The following SLC8A1 variants were observed in gnomAD, a reference collection of about 807,000 sequenced individuals.
The protein encoded by SLC8A1 is solute carrier family 8 member A1.
Under a neutral mutation model 68.3 loss-of-function variants are expected in SLC8A1, and 18 were observed. The ratio of observed to expected loss-of-function variants is 0.26; its 90% confidence interval spans 0.18 to 0.39. The LOEUF is 0.39. Ranked by LOEUF, SLC8A1 falls within the 10% of genes least tolerant of loss-of-function variation. The pLI, the probability that SLC8A1 is intolerant of heterozygous loss-of-function variation, is 1.00. For missense variants in SLC8A1, 985 were observed against 1,156.7 expected, an observed-to-expected ratio of 0.85 and a Z score of 2.15; for synonymous variants, 475 against 415.5, an observed-to-expected ratio of 1.14 and a Z score of -1.74.
At chr2:40,404,934 T>C (rs1689859223) in intron 2 of SLC8A1, among the ~76,000 whole-genome samples, 1 of 152,180 alleles carries the variant, frequency 6.6e-6, no homozygotes, top group South Asian at 2.1e-4. Context: ...TGAAAGCTTG[T>C]GGGTAATAGC....
intron 2 of SLC8A1, among the ~76,000 whole-genome samples, chr2:40,407,398 G>A (rs907608278): frequency 3.3e-5 from 5 of 152,146 alleles, no homozygotes; most frequent in African/African-American, 1.2e-4. Flanking sequence ...TTCCTTGTCT[G>A]TAAAAATGAG....
exon 8 of SLC8A1, chr2:40,109,949 C>G (rs1042375603): frequency 7.2e-5 from 11 of 152,168 alleles, no homozygotes; most frequent in Non-Finnish European, 1.3e-4. Flanking sequence ...CAGTAATGCT[C>G]TTTCCTAAAA....
intron 2 of SLC8A1, among the ~76,000 whole-genome samples, chr2:40,367,753 A>G (rs1676730955): frequency 6.6e-6 from 1 of 152,000 alleles, no homozygotes; most frequent in East Asian, 1.9e-4. Context: ...AGACAATAAT[A>G]TCTCAGGATC....
chr2:40,347,059 C>A (rs373595395), intron 2 of SLC8A1, among the ~76,000 whole-genome samples: 1 of 152,158 alleles, frequency 6.6e-6, no homozygotes. Flanking sequence ...AGCACCAAGG[C>A]AATAGATAGC....
intron 1 of SLC8A1, among the ~76,000 whole-genome samples, chr2:40,482,505 G>C (rs1358555013): frequency 6.6e-6 from 1 of 152,156 alleles, no homozygotes; most frequent in Non-Finnish European, 1.5e-5. Flanking sequence ...TGAAGCATAA[G>C]CTTCATATTA....
intron 2 of SLC8A1, among the ~76,000 whole-genome samples, 166 bp from the exon 3 acceptor site, chr2:40,178,659 T>C (rs1024305170): frequency 6.6e-6 from 1 of 152,178 alleles, no homozygotes; most frequent in Non-Finnish European, 1.5e-5. Flanking sequence ...CAGATAGGTA[T>C]GAAAGATCAG....
chr2:40,181,958 GCAT>G (rs925352328), intron 2 of SLC8A1, among the ~76,000 whole-genome samples: 3 of 152,150 alleles, frequency 2.0e-5, no homozygotes, highest in African/African-American at 7.2e-5. Context: ...ATCAGCAGAA[GCAT>G]GTTCCTCACA....
chr2:40,450,218 G>A (rs1168200522), intron 1 of SLC8A1, among the ~76,000 whole-genome samples: 1 of 152,102 alleles, frequency 6.6e-6, no homozygotes, highest in Non-Finnish European at 1.5e-5. Context: ...ATTTGAAAGA[G>A]GAACCTAAAA....
intron 2 of SLC8A1, among the ~76,000 whole-genome samples, chr2:40,333,102 G>A (rs536368845): frequency 6.8e-4 from 103 of 151,800 alleles, no homozygotes; most frequent in Non-Finnish European, 1.1e-3. Context: ...GGTAAATTAC[G>A]AAAAAAAATC....
intron 1 of SLC8A1, among the ~76,000 whole-genome samples, chr2:40,443,862 C>G (rs909567707): frequency 1.3e-5 from 2 of 152,200 alleles, no homozygotes; most frequent in Non-Finnish European, 2.9e-5. Flanking sequence ...TAACACCTGT[C>G]CATCTGTGCA....
intron 2 of SLC8A1, among the ~76,000 whole-genome samples, chr2:40,254,186 AAAAAG>A (rs2063486864): frequency 1.3e-5 from 2 of 152,182 alleles, no homozygotes; most frequent in African/African-American, 4.8e-5. Flanking sequence ...ATTAATATAA[AAAAAG>A]AAAATAAAAG....
intron 2 of SLC8A1, among the ~76,000 whole-genome samples, chr2:40,269,204 G>T (rs911815061): frequency 2.0e-5 from 3 of 152,100 alleles, no homozygotes; most frequent in African/African-American, 7.2e-5. Context: ...AGAAATTATA[G>T]GACTGTTAGC....
At chr2:40,153,553 T>C (rs763904068) in intron 6 of SLC8A1, among the ~76,000 whole-genome samples, 16 of 152,366 alleles carry the variant, frequency 1.1e-4, no homozygotes, top group Non-Finnish European at 2.1e-4. Flanking sequence ...ATATCTCCTG[T>C]TGGTTTCAAA....
chr2:40,218,829 G>A (rs1394052600), intron 2 of SLC8A1, among the ~76,000 whole-genome samples: 2 of 152,118 alleles, frequency 1.3e-5, no homozygotes, highest in African/African-American at 4.8e-5. Flanking sequence ...GATGAAAAAT[G>A]CTGACTTGCA....
chr2:40,126,838 A>G (rs999880294), intron 7 of SLC8A1, among the ~76,000 whole-genome samples: 1 of 152,152 alleles, frequency 6.6e-6, no homozygotes, highest in Non-Finnish European at 1.5e-5. Flanking sequence ...GTCTTACTCC[A>G]CGGGAGTAGA....
chr2:40,226,504 C>G (rs2058997769), intron 2 of SLC8A1, among the ~76,000 whole-genome samples: 1 of 152,154 alleles, frequency 6.6e-6, no homozygotes, highest in African/African-American at 2.4e-5. Flanking sequence ...AATCTGGTTT[C>G]TGTACACAGA....
At chr2:40,363,726 C>T (rs1284697666) in intron 2 of SLC8A1, among the ~76,000 whole-genome samples, 3 of 152,004 alleles carry the variant, frequency 2.0e-5, no homozygotes, top group Admixed American at 1.3e-4. Flanking sequence ...ATAATGACAT[C>T]GCCTCGCTTG....
At chr2:40,271,357 C>T (rs1410554232) in intron 2 of SLC8A1, among the ~76,000 whole-genome samples, 2 of 152,164 alleles carry the variant, frequency 1.3e-5, no homozygotes, top group African/African-American at 2.4e-5. Flanking sequence ...CTGTTTCTCC[C>T]TCTGCATGGA....
chr2:40,237,019 T>C (rs1474413869), intron 2 of SLC8A1, among the ~76,000 whole-genome samples: 1 of 126,526 alleles, frequency 7.9e-6, no homozygotes, highest in African/African-American at 3.0e-5. Flanking sequence ...CCTTTCTCTC[T>C]GGTTGCCCTT....
Sources: allele counts gnomAD v4.1 joint callset (sites outside exome capture counted in the v4.1 genomes callset), GRCh38; gene constraint gnomAD v4.1.1; transcripts MANE v1.5; gene names NCBI Gene and HGNC (gene_info 2026-07-23, HGNC 2026-07-21).